CSMD2: variants seen among roughly 807,000 people sequenced by gnomAD.
CSMD2 encodes CUB and sushi domain-containing protein 2.
A neutral mutation model predicts 398.5 loss-of-function variants in CSMD2; 130 were observed. That is an observed-to-expected ratio of 0.33 (90% CI 0.28 to 0.38). CSMD2 has a LOEUF of 0.38. Among genes scored for constraint, CSMD2 ranks in the 10% least tolerant of loss-of-function variants. The pLI is 1.00. For missense variants in CSMD2, 3,829 were observed against 4,764.9 expected (o/e 0.80, Z 5.78); for synonymous variants, 1,828 against 1,908.5 (o/e 0.96, Z 1.10).
intron 60 of CSMD2, among the ~76,000 whole-genome samples, chr1:33,539,093 G>A (rs921804410): frequency 1.3e-5 from 2 of 151,928 alleles, no homozygotes; most frequent in Non-Finnish European, 1.5e-5. Context: ...CCAACCTCCC[G>A]AGTAGGTGGG....
At position 33,545,751 on chromosome 1, in the gene CSMD2, C is replaced by A. The variant is rs911763271; in HGVS notation, c.9100+286G>T. Among the ~76,000 whole-genome samples the A allele has an allele frequency of 7.9e-5, 12 of 152,330 alleles. No individual in the cohort carries two copies. In the East Asian group the frequency reaches 1.7e-3, roughly 22 times the overall value. ...CCCCAGCACATTCCACAGCACTTGG[C>A]ACATAGATGCTGAATGAAACTATAT... On this transcript the variant is annotated intron_variant, in intron 57 of 70. Transcript: ENST00000373381.
In CSMD2 at chr1:33,739,168, G is replaced by T; in HGVS notation, c.2340C>A (p.Val780=). The T allele has an allele frequency of 6.2e-7, 1 of 1,614,000 alleles. No individual in the cohort carries two copies. The highest frequency in any genetic ancestry group is 2.2e-5 in the East Asian group (1 of 44,870). ...CACACCGCAGCACAGCGCTGTTCCAGACCACGCTGCCCTCCTTCAGGACGC... is the reference window on the plus strand; with the variant it reads ...CACACCGCAGCACAGCGCTGTTCCATACCACGCTGCCCTCCTTCAGGACGC... ...ITCVLKEGSV[V]WNSAVLRCEA... The change falls in exon 15 of 71, where the codon GTC becomes GTA. Residue 780 remains valine (V), a synonymous_variant. Coordinates refer to ENST00000373381, the MANE Select transcript of CSMD2 (RefSeq NM_001281956.2).
At chr1:33,999,384 AT>A (rs980538211) in intron 3 of CSMD2, among the ~76,000 whole-genome samples, 6 of 151,622 alleles carry the variant, frequency 4.0e-5, no homozygotes, top group African/African-American at 7.3e-5. Flanking sequence ...CTTTTTAAAA[AT>A]TTTTTTTTAT....
chr1:33,704,532 G>A (rs1645711953), intron 22 of CSMD2, among the ~76,000 whole-genome samples: 1 of 152,152 alleles, frequency 6.6e-6, no homozygotes, highest in African/African-American at 2.4e-5. Flanking sequence ...ATGAGTGGGT[G>A]TTGAACTTAA....
At chr1:33,778,940 T>C (rs1652349358) in intron 12 of CSMD2, among the ~76,000 whole-genome samples, 1 of 152,216 alleles carries the variant, frequency 6.6e-6, no homozygotes, top group South Asian at 2.1e-4. Context: ...TCCTCCCACA[T>C]ACCCAGAACC....
intron 3 of CSMD2, among the ~76,000 whole-genome samples, chr1:33,953,621 A>G (rs1645074440): frequency 1.3e-5 from 2 of 152,130 alleles, no homozygotes; most frequent in Non-Finnish European, 1.5e-5. Context: ...ATCTTTTGAG[A>G]GAAGATAAAA....
chr1:34,098,553 T>G (rs1191443901), intron 1 of CSMD2, among the ~76,000 whole-genome samples: 1 of 151,996 alleles, frequency 6.6e-6, no homozygotes, highest in Non-Finnish European at 1.5e-5. Context: ...AAATGACACT[T>G]ATGAAAATAG....
At chr1:33,973,906 G>A (rs1358244034) in intron 3 of CSMD2, among the ~76,000 whole-genome samples, 2 of 152,148 alleles carry the variant, frequency 1.3e-5, no homozygotes, top group South Asian at 2.1e-4. Flanking sequence ...AGAATCAACG[G>A]ATGAATCAGA....
chr1:33,709,306 T>C, intron 21 of CSMD2, 48 bp from the exon 22 acceptor site: 1 of 1,536,136 alleles, frequency 6.5e-7, no homozygotes, highest in Non-Finnish European at 8.8e-7. Context: ...ATCAGCTGCA[T>C]CCAGAAAGCA....
At chr1:33,665,311 C>G (rs758703193) in intron 25 of CSMD2, among the ~76,000 whole-genome samples, 3 of 151,966 alleles carry the variant, frequency 2.0e-5, no homozygotes, top group Non-Finnish European at 4.4e-5. Flanking sequence ...TTTTATGTAA[C>G]CAAATACGTT....
At chr1:33,869,718 A>G (rs1019113921) in intron 5 of CSMD2, among the ~76,000 whole-genome samples, 2 of 152,176 alleles carry the variant, frequency 1.3e-5, no homozygotes, top group Non-Finnish European at 2.9e-5. Flanking sequence ...TCTGCGTAGG[A>G]GGCATGGCTC....
At chr1:33,848,720 C>A (rs532554769) in intron 5 of CSMD2, among the ~76,000 whole-genome samples, 36 of 152,126 alleles carry the variant, frequency 2.4e-4, no homozygotes, top group African/African-American at 8.2e-4. Context: ...TTATAAAAAC[C>A]AATTACTGTA....
At chr1:33,885,172 G>A (rs981949433) in intron 5 of CSMD2, 1 of 152,180 alleles carries the variant, frequency 6.6e-6, no homozygotes, top group Non-Finnish European at 1.5e-5. Context: ...TAAGCAGTAC[G>A]GGTGATTCTT....
chr1:33,729,467 TTTTA>T (rs199985398), intron 15 of CSMD2, among the ~76,000 whole-genome samples: 1,748 of 150,304 alleles, frequency 0.012, 38 homozygotes, highest in African/African-American at 0.04. Context: ...TTTTTTTTTT[TTTTA>T]ATTTTTTAAA....
chr1:33,733,346 C>A (rs1646780980), intron 15 of CSMD2, among the ~76,000 whole-genome samples: 2 of 152,178 alleles, frequency 1.3e-5, no homozygotes, highest in Non-Finnish European at 2.9e-5. Flanking sequence ...GGACTCAGAC[C>A]TCACTTGGAG....
intron 10 of CSMD2, among the ~76,000 whole-genome samples, chr1:33,796,869 G>A (rs1402448152): frequency 6.6e-6 from 1 of 152,158 alleles, no homozygotes; most frequent in African/African-American, 2.4e-5. Flanking sequence ...TGCATTCCTG[G>A]GGGGAGGTCT....
chr1:33,603,433 G>A (rs1557605591), intron 42 of CSMD2, among the ~76,000 whole-genome samples: 1 of 152,136 alleles, frequency 6.6e-6, no homozygotes, highest in Non-Finnish European at 1.5e-5. Context: ...AGCTGACATG[G>A]GGCATCAAGC....
intron 1 of CSMD2, among the ~76,000 whole-genome samples, chr1:34,092,829 G>A (rs1658786594): frequency 6.6e-6 from 1 of 152,228 alleles, no homozygotes; most frequent in Non-Finnish European, 1.5e-5. Context: ...CGAGGCTGGG[G>A]GAGGGGCGCC....
rs559182066 is a variant in CSMD2, at chr1:34,092,759, C to G, written c.188-3566G>C. On this transcript the variant is annotated intron_variant, in intron 1 of 70. Coordinates refer to ENST00000373381, the MANE Select transcript of CSMD2 (RefSeq NM_001281956.2). ...CCCGCACCTGGCTCGGAGGGTCCTA[C>G]CCCACGGAGTCTCGCTGATTGCTAG... Among the ~76,000 whole-genome samples the G allele has an allele frequency of 3.3e-5, 5 of 152,324 alleles. No homozygotes were observed. In the East Asian group the frequency reaches 9.7e-4, roughly 29 times the overall value.
Sources: gnomAD v4.1 joint callset for allele counts (sites outside exome capture counted in the v4.1 genomes callset) on GRCh38, gnomAD v4.1.1 for gene constraint, MANE v1.5 for transcripts, NCBI Gene and HGNC (gene_info 2026-07-23, HGNC 2026-07-21) for gene names.